Variants in SUSD4 observed in about 807,000 individuals in gnomAD.
SUSD4 encodes the protein sushi domain containing 4, also known as sushi domain-containing protein 4.
Under a neutral mutation model 50.5 loss-of-function variants are expected in SUSD4, and 41 were observed. The observed-to-expected ratio is 0.81, with a 90% CI of 0.63 to 1.05. The LOEUF (loss-of-function observed/expected upper bound fraction) is 1.05, where lower values mean the gene tolerates loss of function less well. SUSD4 is among the 50% of genes least tolerant of loss of function. The pLI, the probability that SUSD4 is intolerant of heterozygous loss-of-function variation, is 0.00. For synonymous variants in SUSD4, 257 were observed against 257.3 expected, an observed-to-expected ratio of 1.00 and a Z score of 0.01; for missense variants, 580 against 634.7, an observed-to-expected ratio of 0.91 and a Z score of 0.93.
chr1:223,264,491 G>C (rs1571917912), intron 5 of SUSD4, 139 bp downstream of exon 5: 1 of 1,423,562 alleles, frequency 7.0e-7, no homozygotes, highest in East Asian at 2.5e-5. Flanking sequence ...GCTGATCTCT[G>C]CTCTGGAGAA....
chr1:223,343,825 T>C (rs1170182538), intron 2 of SUSD4, among the ~76,000 whole-genome samples: 1 of 152,228 alleles, frequency 6.6e-6, no homozygotes, highest in Non-Finnish European at 1.5e-5. Flanking sequence ...GTGCAACTGC[T>C]GTAGGAACCA....
intron 2 of SUSD4, among the ~76,000 whole-genome samples, chr1:223,294,746 T>C (rs1664715305): frequency 6.6e-6 from 1 of 152,198 alleles, no homozygotes; most frequent in Non-Finnish European, 1.5e-5. Flanking sequence ...ACAAAGGAGA[T>C]AGCATCCAGC....
intron 2 of SUSD4, among the ~76,000 whole-genome samples, chr1:223,357,721 G>T (rs140428458): frequency 6.6e-6 from 1 of 152,286 alleles, no homozygotes; most frequent in East Asian, 1.9e-4. Context: ...TTAAAATTTT[G>T]TCCCTTTTCC....
chr1:223,341,013 A>G (rs1667725769), intron 2 of SUSD4, among the ~76,000 whole-genome samples: 1 of 152,160 alleles, frequency 6.6e-6, no homozygotes, highest in African/African-American at 2.4e-5. Context: ...TAAAATACAC[A>G]TGTTTGATAT....
chr1:223,302,485 T>C (rs533356355), intron 2 of SUSD4, among the ~76,000 whole-genome samples: 2 of 152,294 alleles, frequency 1.3e-5, no homozygotes, highest in South Asian at 2.1e-4. Flanking sequence ...ATGTCCATCC[T>C]GACATTGCTT....
intron 5 of SUSD4, among the ~76,000 whole-genome samples, chr1:223,259,220 A>G (rs1661922403): frequency 6.6e-6 from 1 of 152,242 alleles, no homozygotes; most frequent in African/African-American, 2.4e-5. Context: ...CTTACGTGAA[A>G]TAGCATATGA....
chr1:223,282,323 T>G (rs1772277), intron 3 of SUSD4, among the ~76,000 whole-genome samples: 1 of 151,984 alleles, frequency 6.6e-6, no homozygotes, highest in Non-Finnish European at 1.5e-5. Context: ...ATGACATGAT[T>G]GTATATTTAG....
chr1:223,246,745 G>A (rs1447413937), intron 5 of SUSD4, among the ~76,000 whole-genome samples: 1 of 152,108 alleles, frequency 6.6e-6, no homozygotes, highest in African/African-American at 2.4e-5. Flanking sequence ...AATGAAGTGT[G>A]AGGCAAGGCC....
At chr1:223,292,706 G>A in intron 2 of SUSD4, 55 bp from the exon 3 acceptor site, 3 of 1,578,746 alleles carry the variant, frequency 1.9e-6, no homozygotes, top group Non-Finnish European at 2.6e-6. Flanking sequence ...TCAATGCCAA[G>A]GGCCTTCCTA....
intron 3 of SUSD4, among the ~76,000 whole-genome samples, chr1:223,277,876 T>C (rs1489595187): frequency 6.6e-6 from 1 of 152,188 alleles, no homozygotes; most frequent in Non-Finnish European, 1.5e-5. Flanking sequence ...ATTATGTTAT[T>C]CTCCCTTCTT....
chr1:223,265,564 G>A (rs992049503), intron 4 of SUSD4, among the ~76,000 whole-genome samples: 1 of 152,138 alleles, frequency 6.6e-6, no homozygotes, highest in Non-Finnish European at 1.5e-5. Flanking sequence ...TGCCAGGCTC[G>A]GGACCACACT....
At chr1:223,305,270 T>C (rs1254243550) in intron 2 of SUSD4, among the ~76,000 whole-genome samples, 1 of 152,080 alleles carries the variant, frequency 6.6e-6, no homozygotes, top group Non-Finnish European at 1.5e-5. Flanking sequence ...ACTGGTCTCT[T>C]TGGGGGTGTG....
chr1:223,283,055 C>CTAA (rs1283236217), intron 3 of SUSD4, among the ~76,000 whole-genome samples: 1 of 151,522 alleles, frequency 6.6e-6, no homozygotes, highest in East Asian at 1.9e-4. Flanking sequence ...AGCTTCCTTC[C>CTAA]TTACACCTTA....
Position 223,248,849 on chromosome 1 carries a change from GA to G in SUSD4, c.724+15780del, listed in dbSNP as rs112221862. ...GTGATGACAACTGTGAAACTTCACTGAAAAAAAAAAATGGCTTCACATAAGA... is the reference window on the plus strand; with the variant it reads ...GTGATGACAACTGTGAAACTTCACTGAAAAAAAAAATGGCTTCACATAAGA... On this transcript the variant is annotated intron_variant, in intron 5 of 8. Transcript: ENST00000366878. Among the ~76,000 whole-genome samples the G allele has an allele frequency of 5.6e-3, 832 of 147,382 alleles. 9 individuals carry two copies. The highest frequency in any genetic ancestry group is 0.018 in the African/African-American group (716 of 40,480).
intron 2 of SUSD4, among the ~76,000 whole-genome samples, chr1:223,295,002 A>G (rs1235345607): frequency 2.0e-5 from 3 of 152,192 alleles, no homozygotes; most frequent in African/African-American, 7.2e-5. Context: ...TCATACCATC[A>G]TGAATATTGA....
chr1:223,275,382 C>A (rs1292481351), intron 3 of SUSD4, among the ~76,000 whole-genome samples: 1 of 152,188 alleles, frequency 6.6e-6, no homozygotes, highest in Non-Finnish European at 1.5e-5. Context: ...ATTATTTTAT[C>A]TTTAAAGAAA....
chr1:223,302,786 G>A (rs923866971), intron 2 of SUSD4, among the ~76,000 whole-genome samples: 9 of 152,164 alleles, frequency 5.9e-5, no homozygotes, highest in African/African-American at 9.7e-5. Flanking sequence ...AGATGCCCGC[G>A]TGGGCCAGGA....
At chr1:223,361,149 G>C (rs1668953105) in intron 2 of SUSD4, among the ~76,000 whole-genome samples, 1 of 152,198 alleles carries the variant, frequency 6.6e-6, no homozygotes, top group African/African-American at 2.4e-5. Context: ...CACAAGTCTA[G>C]AGCTAAGGTG....
At chr1:223,336,806 C>T (rs1558261970) in intron 2 of SUSD4, among the ~76,000 whole-genome samples, 1 of 152,160 alleles carries the variant, frequency 6.6e-6, no homozygotes, top group East Asian at 1.9e-4. Context: ...TCTATCTCAG[C>T]GAGTCCTATC....
Sources: gnomAD v4.1 joint callset for allele counts (sites outside exome capture counted in the v4.1 genomes callset) on GRCh38, gnomAD v4.1.1 for gene constraint, MANE v1.5 for transcripts, NCBI Gene and HGNC (gene_info 2026-07-23, HGNC 2026-07-21) for gene names.